COBLL1: variants seen among roughly 807,000 people sequenced by gnomAD.
COBLL1 encodes the protein cordon-bleu protein-like 1.
Under a neutral mutation model 94.8 loss-of-function variants are expected in COBLL1, and 50 were observed. That is an observed-to-expected ratio of 0.53 (90% CI 0.42 to 0.67). COBLL1 has a LOEUF of 0.67. Ranked by LOEUF, COBLL1 falls within the 30% of genes least tolerant of loss-of-function variation. The pLI is 0.00. For synonymous variants in COBLL1, 448 were observed against 473.8 expected (o/e 0.95, Z 0.71); for missense variants, 1,362 against 1,348.7 (o/e 1.01, Z -0.15).
At chr2:164,791,139 T>C (rs1288209528) in intron 2 of COBLL1, among the ~76,000 whole-genome samples, 2 of 152,160 alleles carry the variant, frequency 1.3e-5, no homozygotes, top group African/African-American at 2.4e-5. Flanking sequence ...AGAGATATAA[T>C]AGACTCAGAA....
intron 2 of COBLL1, among the ~76,000 whole-genome samples, chr2:164,787,546 C>T (rs1326403346): frequency 6.6e-6 from 1 of 152,074 alleles, no homozygotes; most frequent in African/African-American, 2.4e-5. Context: ...TTTTTGGCAA[C>T]TATACCTCAG....
chr2:164,777,788 C>G (rs1688539320), intron 2 of COBLL1, among the ~76,000 whole-genome samples: 1 of 152,140 alleles, frequency 6.6e-6, no homozygotes, highest in African/African-American at 2.4e-5. Flanking sequence ...CTGCAGCCAG[C>G]TGGAGAAAAG....
In COBLL1 at chr2:164,718,194, T is replaced by C. The variant is rs116328549; in HGVS notation, c.996+3881A>G. The C allele has an allele frequency of 2.8e-4, 266 of 937,230 alleles. No individual in the cohort carries two copies. In the African/African-American group the frequency reaches 4.6e-3, roughly 16 times the overall value. 58.1% of individuals were successfully genotyped at this position (937,230 alleles called of 1,614,324 possible). On this transcript the variant is annotated intron_variant, in intron 7 of 13. Transcript: ENST00000652658. ...ATTAATGTTTACTTATCAATTCTCTTGAACACCTACCATGTTACAGAATTT... is the reference window on the plus strand; with the variant it reads ...ATTAATGTTTACTTATCAATTCTCTCGAACACCTACCATGTTACAGAATTT...
rs1558914789 is a variant in COBLL1, at chr2:164,685,142, C to T, written c.*804G>A. The T allele has an allele frequency of 6.6e-6, 1 of 152,096 alleles. No homozygotes were observed. The highest frequency in any genetic ancestry group is 1.9e-4 in the East Asian group (1 of 5,198). The allele number at this position is 152,096 out of a possible 1,614,324, so 9.4% of individuals were successfully genotyped here. A position where few individuals can be genotyped will look rare whatever the true frequency, so the allele number is the denominator to read the frequency against. Reference sequence around the variant, plus strand: ...ATAAACTAACCCCTATTCCTCTCTACATATCAAATGTGAAATAACTGTCAC... The same window carrying T: ...ATAAACTAACCCCTATTCCTCTCTATATATCAAATGTGAAATAACTGTCAC... On this transcript the variant is annotated 3_prime_UTR_variant, in exon 14 of 14. Coordinates refer to ENST00000652658, the MANE Select transcript of COBLL1 (RefSeq NM_001365672.2).
intron 2 of COBLL1, among the ~76,000 whole-genome samples, chr2:164,749,382 A>C (rs1178880715): frequency 1.3e-5 from 2 of 152,190 alleles, no homozygotes; most frequent in African/African-American, 2.4e-5. Context: ...CAGTCTAAAG[A>C]CCAAAAATAA....
intron 7 of COBLL1, chr2:164,718,210 T>C (rs1321547886): frequency 1.0e-6 from 1 of 973,792 alleles, no homozygotes; most frequent in East Asian, 1.1e-4. Flanking sequence ...CCTACCATGT[T>C]ACAGAATTTT....
downstream of COBLL1, among the ~76,000 whole-genome samples, chr2:164,675,310 C>A (rs1162732012): frequency 6.6e-6 from 1 of 152,166 alleles, no homozygotes; most frequent in Non-Finnish European, 1.5e-5. Context: ...TTCTTCTAAT[C>A]CCACTGTCAG....
At position 164,722,608 on chromosome 2, in the gene COBLL1, A is replaced by G. The variant is rs566903764; in HGVS notation, c.662-86T>C. The G allele has an allele frequency of 1.5e-4, 97 of 666,526 alleles. 1 individual carries two copies. Among genetic ancestry groups the G allele is most frequent in the Middle Eastern group, 4.4e-4 (1 of 2,296 alleles). The allele number at this position is 666,526 out of a possible 1,614,324, so 41.3% of individuals were successfully genotyped here. ...TTCTTTCTCTTACTTCCCCTTTGCA[A>G]ACTTATCTAATGCTAAAAGCTACTA... On this transcript the variant is annotated intron_variant, in intron 5 of 13. Coordinates refer to ENST00000652658, the MANE Select transcript of COBLL1 (RefSeq NM_001365672.2).
At chr2:164,800,589 C>T (rs1307004241) in intron 2 of COBLL1, 1 of 701,494 alleles carries the variant, frequency 1.4e-6, no homozygotes, top group Admixed American at 2.0e-5. Context: ...AAATTTTGTA[C>T]TTGAAATGAA....
chr2:164,694,032 C>T (rs1683758640), intron 12 of COBLL1, among the ~76,000 whole-genome samples: 1 of 152,034 alleles, frequency 6.6e-6, no homozygotes, highest in African/African-American at 2.4e-5. Flanking sequence ...AAAACATTTG[C>T]TAATGACACA....
chr2:164,700,424 C>A, intron 10 of COBLL1, 98 bp downstream of exon 10: 1 of 727,220 alleles, frequency 1.4e-6, no homozygotes, highest in Non-Finnish European at 2.2e-6. Context: ...AACCAAAGGG[C>A]TGACTATATT....
intron 2 of COBLL1, among the ~76,000 whole-genome samples, chr2:164,829,489 C>G (rs1231530998): frequency 6.6e-6 from 1 of 152,124 alleles, no homozygotes; most frequent in Non-Finnish European, 1.5e-5. Context: ...AAGCATGCAT[C>G]TACTTAGCTA....
rs901374344 is a variant in COBLL1 at position 164,682,194 on chromosome 2, CTTG to C, written c.*3749_*3751del. ...TTAAATATGTGGATCAAATAAAAAT[CTTG>C]TTGTCAACTCTGAAATAGCAAATAA... On this transcript the variant is annotated 3_prime_UTR_variant, in exon 14 of 14. Coordinates refer to ENST00000652658, the MANE Select transcript of COBLL1 (RefSeq NM_001365672.2). The C allele has an allele frequency of 6.6e-6, 1 of 152,138 alleles. No individual in the cohort carries two copies. The highest frequency in any genetic ancestry group is 1.9e-4 in the East Asian group (1 of 5,184). The allele number at this position is 152,138 out of a possible 1,614,324, so 9.4% of individuals were successfully genotyped here.
intron 2 of COBLL1, among the ~76,000 whole-genome samples, chr2:164,817,361 TAAAAAAAA>T (rs10599487): frequency 8.6e-6 from 1 of 116,476 alleles, no homozygotes; most frequent in African/African-American, 3.2e-5. Flanking sequence ...TGGTATATAT[TAAAAAAAA>T]AAAAAAAAAG....
intron 2 of COBLL1, among the ~76,000 whole-genome samples, chr2:164,820,005 T>TA (rs1685083666): frequency 6.6e-6 from 1 of 150,690 alleles, no homozygotes; most frequent in South Asian, 2.1e-4. Flanking sequence ...TTTTTTTTTT[T>TA]TAATTTTTAG....
intron 2 of COBLL1, among the ~76,000 whole-genome samples, chr2:164,769,195 G>T (rs1033774175): frequency 4.6e-5 from 7 of 152,046 alleles, no homozygotes; most frequent in African/African-American, 1.7e-4. Flanking sequence ...AAGCATGCGG[G>T]GTTAGAATTT....
At chr2:164,817,777 T>G (rs1684847238) in intron 2 of COBLL1, among the ~76,000 whole-genome samples, 1 of 152,118 alleles carries the variant, frequency 6.6e-6, no homozygotes, top group Admixed American at 6.5e-5. Flanking sequence ...CCTGGTGGCT[T>G]CCACAGCCAT....
At chr2:164,735,828 C>T (rs1035660518) in intron 3 of COBLL1, among the ~76,000 whole-genome samples, 12 of 152,184 alleles carry the variant, frequency 7.9e-5, no homozygotes, top group Non-Finnish European at 1.8e-4. Flanking sequence ...AGATGCCTGT[C>T]TTCCTGTTTC....
At chr2:164,714,388 A>C (rs1050862516) in intron 7 of COBLL1, among the ~76,000 whole-genome samples, 16 of 151,536 alleles carry the variant, frequency 1.1e-4, no homozygotes, top group Non-Finnish European at 2.4e-4. Context: ...AAAAAAAAAA[A>C]ACCAGGATGA....
Sources: allele counts gnomAD v4.1 joint callset (sites outside exome capture counted in the v4.1 genomes callset), GRCh38; gene constraint gnomAD v4.1.1; transcripts MANE v1.5; gene names NCBI Gene and HGNC (gene_info 2026-07-23, HGNC 2026-07-21).